TRPV4: variants seen among roughly 807,000 people sequenced by gnomAD.
TRPV4 encodes the protein transient receptor potential cation channel subfamily V member 4.
In TRPV4, 58 loss-of-function variants were observed where a neutral mutation model predicts 84.1. The observed-to-expected ratio is 0.69, with a 90% CI of 0.56 to 0.86. The LOEUF (loss-of-function observed/expected upper bound fraction) is 0.86. TRPV4 is among the 40% of genes least tolerant of loss of function. The pLI, the probability that TRPV4 is intolerant of heterozygous loss-of-function variation, is 0.00. For synonymous variants in TRPV4, 489 were observed against 500.9 expected (o/e 0.98, Z 0.32); for missense variants, 879 against 1,181.1 (o/e 0.74, Z 3.75).
rs1461755481 is a variant in TRPV4, at chr12:109,814,825, A to C, written c.-29T>G. Reference sequence around the variant, plus strand: ...TGCCCCAGGCCCGTCTGCACTGCTCAGCCTGCAAGGGAATGAAAGGGGAGT... The same window carrying C: ...TGCCCCAGGCCCGTCTGCACTGCTCCGCCTGCAAGGGAATGAAAGGGGAGT... On this transcript the variant is annotated splice_region_variant and 5_prime_UTR_variant, in exon 2 of 16. Transcript: ENST00000261740. This position sits in a 1 kb window ranked among gnomAD's most constrained non-coding sequence, Gnocchi z 5.4. The C allele has an allele frequency of 2.0e-6, 3 of 1,535,338 alleles. No homozygotes were observed.
At chr12:109,823,378 G>A (rs1230181953) in intron 1 of TRPV4, among the ~76,000 whole-genome samples, 2 of 152,204 alleles carry the variant, frequency 1.3e-5, no homozygotes, top group African/African-American at 4.8e-5. Flanking sequence ...CGTGGCCACG[G>A]CAGTCATTTG....
Position 109,814,265 on chromosome 12 carries a change from A to G in TRPV4, c.386+146T>C, listed in dbSNP as rs1423581799. ...TATGGATAGGGAGATGAATAGATGG[A>G]TGGATAGATGTATGGATGGTTGGAT... On this transcript the variant is annotated intron_variant, in intron 2 of 15. Transcript: ENST00000261740. The surrounding 1 kb of genome is among the most constrained non-coding windows in gnomAD (Gnocchi z 5.4). The G allele has an allele frequency of 2.1e-6, 2 of 931,026 alleles. No individual in the cohort carries two copies. The highest frequency in any genetic ancestry group is 3.3e-5 in the African/African-American group (2 of 61,348). 57.7% of individuals were successfully genotyped at this position (931,026 alleles called of 1,614,324 possible).
rs1437214115 is a variant in TRPV4, at chr12:109,795,734, G to GC, written c.1332+790_1332+791insG. Among the ~76,000 whole-genome samples, 6 of 151,610 alleles carry GC rather than the reference G, an allele frequency of 4.0e-5. No homozygotes were observed. The South Asian group carries it at 6.2e-4, about 16-fold the overall frequency. ...TGCTAAGTAGGGAAAAAAAAGCTTGGTTTTTTGTTTGTTTGTTTGTTTGTT... is the reference window on the plus strand; with the variant it reads ...TGCTAAGTAGGGAAAAAAAAGCTTGGCTTTTTTGTTTGTTTGTTTGTTTGTT... On this transcript the variant is annotated intron_variant, in intron 7 of 15. Transcript: ENST00000261740.
chr12:109,801,206 C>T (rs12307396), intron 4 of TRPV4, among the ~76,000 whole-genome samples: 2,329 of 152,178 alleles, frequency 0.015, 55 homozygotes, highest in African/African-American at 0.053. Flanking sequence ...CCAGCTACTC[C>T]AGAGGCTGAG....
intron 5 of TRPV4, among the ~76,000 whole-genome samples, chr12:109,800,279 T>C (rs111258212): frequency 6.6e-6 from 1 of 152,014 alleles, no homozygotes; most frequent in Non-Finnish European, 1.5e-5. Context: ...AGGGTATTGC[T>C]ATGTTGCCTA....
Position 109,793,156 on chromosome 12 carries a change from A to G in TRPV4, c.1659-339T>C, listed in dbSNP as rs1469551267. ...GGGAAATGTGAAAGAGGTAACACACACTCAGTAACTCTCTCATTCTCTGTC... is the reference window on the plus strand; with the variant it reads ...GGGAAATGTGAAAGAGGTAACACACGCTCAGTAACTCTCTCATTCTCTGTC... On this transcript the variant is annotated intron_variant, in intron 10 of 15. Coordinates refer to ENST00000261740, the MANE Select transcript of TRPV4 (RefSeq NM_021625.5). The surrounding 1 kb of genome is among the most constrained non-coding windows in gnomAD (Gnocchi z 4.0). 1.3e-5 allele frequency among the ~76,000 whole-genome samples: 2 copies of G among 152,170 alleles called. No individual in the cohort carries two copies. The highest frequency in any genetic ancestry group is 4.8e-5 in the African/African-American group (2 of 41,420).
At chr12:109,805,734 G>A (rs1176880424) in intron 3 of TRPV4, among the ~76,000 whole-genome samples, 1 of 152,158 alleles carries the variant, frequency 6.6e-6, no homozygotes, top group Non-Finnish European at 1.5e-5. Flanking sequence ...CTCACAGTAA[G>A]TCTCCCTCTA....
chr12:109,796,651 C>A lies in TRPV4; in HGVS notation c.1206G>T (p.Leu402=), dbSNP rs1328179779. 6.2e-7 allele frequency: 1 copy of A among 1,614,176 alleles called. No homozygotes were observed. Among genetic ancestry groups the A allele is most frequent in the Non-Finnish European group, 8.5e-7 (1 of 1,180,012 alleles). ...AGGCCCAGTCCTTGAACTTGCGGGA[C>A]AGGTGCCGTGTGTCCTCATCCGTCA... ...REVTDEDTRH[L]SRKFKDWAYG... The change falls in exon 7 of 16, where the codon CTG becomes CTT. Residue 402 remains leucine, a synonymous_variant. Transcript: ENST00000261740. This position sits in a 1 kb window ranked among gnomAD's most constrained non-coding sequence, Gnocchi z 4.2.
intron 7 of TRPV4, 100 bp from the exon 8 acceptor site, chr12:109,794,587 GC>G: frequency 7.8e-7 from 1 of 1,281,448 alleles, no homozygotes; most frequent in Non-Finnish European, 1.1e-6. Context: ...CACCCGGACA[GC>G]GCTTTCTCTT....
chr12:109,788,379 C>G (rs1889828614), intron 13 of TRPV4, 21 bp downstream of exon 13: 1 of 1,607,274 alleles, frequency 6.2e-7, no homozygotes, highest in African/African-American at 1.3e-5. Context: ...TAGAGTGGGG[C>G]TGGGGGCCCT....
chr12:109,789,021 T>C (rs1889876939), intron 12 of TRPV4, among the ~76,000 whole-genome samples: 1 of 152,166 alleles, frequency 6.6e-6, no homozygotes, highest in Non-Finnish European at 1.5e-5. Flanking sequence ...CAGTGGCTAC[T>C]CACAGGCTCA....
chr12:109,798,682 G>A lies in TRPV4; in HGVS notation c.1084C>T (p.Leu362=). 3.1e-6 allele frequency: 5 copies of A among 1,613,864 alleles called. No homozygotes were observed. Among genetic ancestry groups the A allele is most frequent in the Non-Finnish European group, 4.2e-6 (5 of 1,180,042 alleles). Residue 362 remains leucine, a synonymous_variant, in exon 6 of 16, where the codon CTG becomes TTG. Coordinates refer to ENST00000261740, the MANE Select transcript of TRPV4 (RefSeq NM_021625.5). This position sits in a 1 kb window ranked among gnomAD's most constrained non-coding sequence, Gnocchi z 5.0. ...KCARLFPDSN[L]EAVLNNDGLS... ...CCGTCGTTGTTGAGCACGGCCTCCA[G>A]GTTGCTGTCGGGGAAGAGGCGGGCA...
Position 109,786,835 on chromosome 12 carries a change from C to T in TRPV4, c.2211G>A (p.Trp737Ter), listed in dbSNP as rs1035249096. The change falls in exon 14 of 16, where the codon TGG (tryptophan) becomes TGA (stop). Residue 737 changes from tryptophan to a stop codon, truncating the protein, a stop_gained and splice_region_variant. Transcript: ENST00000261740. LOFTEE classifies it high-confidence loss of function. The surrounding 1 kb of genome is among the most constrained non-coding windows in gnomAD (Gnocchi z 4.5). ...GCTCAATGTCCAGGATGGTGGTGGC[C>T]CACTGCGGGGAGGGAGGGTCAGGAG... ...KESKHIWKLQ[W>*]ATTILDIERS... The T allele has an allele frequency of 1.9e-6, 3 of 1,613,766 alleles. No individual in the cohort carries two copies. Among genetic ancestry groups the T allele is most frequent in the Non-Finnish European group, 2.5e-6 (3 of 1,180,000 alleles).
rs763368707 is a variant in TRPV4, at chr12:109,783,576, G to T, written c.*45C>A. On this transcript the variant is annotated 3_prime_UTR_variant, in exon 16 of 16. Transcript: ENST00000261740. This position sits in a 1 kb window ranked among gnomAD's most constrained non-coding sequence, Gnocchi z 4.6. ...AGAAGGCACTGCTGAAATGCGGCTG[G>T]ACTAGAAATGAGTGGGCAGAGAAGC... 1.3e-5 allele frequency: 21 copies of T among 1,598,194 alleles called. No individual in the cohort carries two copies. Among genetic ancestry groups the T allele is most frequent in the Non-Finnish European group, 1.7e-5 (20 of 1,171,082 alleles).
Position 109,796,516 on chromosome 12 carries a change from G to A in TRPV4, c.1332+9C>T. 1 of 1,613,808 alleles carries A rather than the reference G, an allele frequency of 6.2e-7. No individual in the cohort carries two copies. The highest frequency in any genetic ancestry group is 8.5e-7 in the Non-Finnish European group (1 of 1,179,956). On this transcript the variant is annotated intron_variant, in intron 7 of 15. Transcript: ENST00000261740. This position sits in a 1 kb window ranked among gnomAD's most constrained non-coding sequence, Gnocchi z 4.2. Reference sequence around the variant, plus strand: ...TTCCTCACACCCCATGCCCCCTCCTGGAGCCCACCTCAATCTTGCTGTTGT... The same window carrying A: ...TTCCTCACACCCCATGCCCCCTCCTAGAGCCCACCTCAATCTTGCTGTTGT...
chr12:109,815,952 C>T lies in TRPV4; in HGVS notation c.-31-1125G>A, dbSNP rs1439940179. 4.6e-5 allele frequency among the ~76,000 whole-genome samples: 7 copies of T among 152,228 alleles called. No individual in the cohort carries two copies. Among genetic ancestry groups the T allele is most frequent in the African/African-American group, 1.7e-4 (7 of 41,462 alleles). Reference sequence around the variant, plus strand: ...GGGCAAGGCCCCACTGGTTGGCTGTCAGTGCCCTGCTCTCTGTAGCATGGT... The same window carrying T: ...GGGCAAGGCCCCACTGGTTGGCTGTTAGTGCCCTGCTCTCTGTAGCATGGT... On this transcript the variant is annotated intron_variant, in intron 1 of 15. Transcript: ENST00000261740. The surrounding 1 kb of genome is among the most constrained non-coding windows in gnomAD (Gnocchi z 4.1).
At chr12:109,819,954 T>C (rs921581163) in intron 1 of TRPV4, among the ~76,000 whole-genome samples, 7 of 152,208 alleles carry the variant, frequency 4.6e-5, no homozygotes, top group Non-Finnish European at 7.3e-5. Flanking sequence ...ATATACTGAA[T>C]GGTGGTCCAC....
At chr12:109,813,807 TGAATAGAC>T (rs1223987115) in intron 2 of TRPV4, among the ~76,000 whole-genome samples, 1 of 150,888 alleles carries the variant, frequency 6.6e-6, no homozygotes, top group Non-Finnish European at 1.5e-5. Context: ...TATGGAATGA[TGAATAGAC>T]GAGTAGATGG....
chr12:109,811,324 C>A (rs888145834), intron 2 of TRPV4, among the ~76,000 whole-genome samples: 7 of 152,208 alleles, frequency 4.6e-5, no homozygotes, highest in African/African-American at 1.7e-4. Flanking sequence ...CCTGAAGCCT[C>A]AGGGCCAACC....
Sources: allele counts gnomAD v4.1 joint callset (sites outside exome capture counted in the v4.1 genomes callset), GRCh38; gene constraint gnomAD v4.1.1; non-coding constraint Gnocchi (gnomAD v3.1); transcripts MANE v1.5; gene names NCBI Gene and HGNC (gene_info 2026-07-23, HGNC 2026-07-21).